NRCAM: variants seen among roughly 807,000 people sequenced by gnomAD.
The protein encoded by NRCAM is neuronal cell adhesion molecule.
In NRCAM, 83 loss-of-function variants were observed where a neutral mutation model predicts 156.5. That is an observed-to-expected ratio of 0.53 (90% CI 0.44 to 0.64). NRCAM has a LOEUF of 0.64. Among genes scored for constraint, NRCAM ranks in the 30% least tolerant of loss-of-function variants. NRCAM has a pLI of 0.00. For missense variants in NRCAM, 1,417 were observed against 1,597.3 expected (o/e 0.89, Z 1.92); for synonymous variants, 538 against 563.9 (o/e 0.95, Z 0.65).
At chr7:108,374,622 T>C (rs2099660790) in intron 2 of NRCAM, among the ~76,000 whole-genome samples, 1 of 152,068 alleles carries the variant, frequency 6.6e-6, no homozygotes, top group South Asian at 2.1e-4. Context: ...TGAAGTGAGA[T>C]TTCAATTCAA....
At chr7:108,158,611 T>C (rs1048196235) in intron 32 of NRCAM, among the ~76,000 whole-genome samples, 1 of 152,034 alleles carries the variant, frequency 6.6e-6, no homozygotes, top group Non-Finnish European at 1.5e-5. Flanking sequence ...GCAAACAATG[T>C]CTCAAAATGG....
intron 2 of NRCAM, among the ~76,000 whole-genome samples, chr7:108,313,551 T>G (rs2098834328): frequency 6.6e-6 from 1 of 152,202 alleles, no homozygotes; most frequent in Non-Finnish European, 1.5e-5. Context: ...AGGACAACTA[T>G]GAAACACAAA....
At chr7:108,358,894 A>G (rs1344061161) in intron 2 of NRCAM, among the ~76,000 whole-genome samples, 1 of 152,218 alleles carries the variant, frequency 6.6e-6, no homozygotes, top group East Asian at 1.9e-4. Context: ...AGCAGGGGAA[A>G]TGACTTAACA....
intron 25 of NRCAM, 85 bp from the exon 26 acceptor site, chr7:108,178,197 T>G: frequency 7.0e-7 from 1 of 1,437,356 alleles, no homozygotes; most frequent in Non-Finnish European, 9.5e-7. Flanking sequence ...GCTCGCACGA[T>G]TCAAGGTTTT....
chr7:108,184,648 C>T (rs1398609385), intron 20 of NRCAM, 34 bp from the exon 21 acceptor site: 16 of 1,587,968 alleles, frequency 1.0e-5, no homozygotes, highest in Admixed American at 1.7e-5. Context: ...AACCCAAGAC[C>T]GTGAATTCAG....
intron 3 of NRCAM, among the ~76,000 whole-genome samples, chr7:108,309,786 G>A (rs1476161563): frequency 2.6e-5 from 4 of 152,154 alleles, no homozygotes; most frequent in Non-Finnish European, 5.9e-5. Flanking sequence ...GAACCCGGGA[G>A]GTGGAGTTTG....
chr7:108,296,619 G>A (rs1019590111), intron 3 of NRCAM, among the ~76,000 whole-genome samples: 1 of 152,156 alleles, frequency 6.6e-6, no homozygotes, highest in Non-Finnish European at 1.5e-5. Context: ...TTCATACCCT[G>A]ATATCAAATA....
intron 1 of NRCAM, among the ~76,000 whole-genome samples, chr7:108,431,358 T>C (rs1824885366): frequency 6.6e-6 from 1 of 152,184 alleles, no homozygotes; most frequent in Admixed American, 6.5e-5. Flanking sequence ...CATCTTGTGT[T>C]TGGGAAATCT....
chr7:108,347,375 T>C (rs1229749792), intron 2 of NRCAM, among the ~76,000 whole-genome samples: 1 of 152,112 alleles, frequency 6.6e-6, no homozygotes, highest in East Asian at 1.9e-4. Context: ...AAATTTACAA[T>C]GTATCTCAAG....
At chr7:108,410,225 T>A (rs985342419) in intron 1 of NRCAM, among the ~76,000 whole-genome samples, 6 of 152,226 alleles carry the variant, frequency 3.9e-5, no homozygotes, top group Non-Finnish European at 5.9e-5. Context: ...TAGCCCTTGA[T>A]TAAATTTGGG....
At chr7:108,360,565 TGAA>T (rs1023325839) in intron 2 of NRCAM, among the ~76,000 whole-genome samples, 4 of 152,192 alleles carry the variant, frequency 2.6e-5, no homozygotes, top group Admixed American at 2.6e-4. Flanking sequence ...AGAACAAAGT[TGAA>T]GAATTCATAC....
intron 2 of NRCAM, among the ~76,000 whole-genome samples, chr7:108,386,409 A>C (rs2099741046): frequency 6.6e-6 from 1 of 152,186 alleles, no homozygotes; most frequent in African/African-American, 2.4e-5. Flanking sequence ...TCTCTAAGCA[A>C]TTAATTGATT....
At chr7:108,271,197 T>C (rs530818177) in intron 3 of NRCAM, among the ~76,000 whole-genome samples, 30 of 152,228 alleles carry the variant, frequency 2.0e-4, no homozygotes, top group Non-Finnish European at 3.4e-4. Flanking sequence ...AAGTGGACTT[T>C]TAAAAATTAC....
chr7:108,232,542 T>A lies in NRCAM; in HGVS notation c.231-20A>T, dbSNP rs776046627. The A allele has an allele frequency of 6.4e-7, 1 of 1,570,110 alleles. No individual in the cohort carries two copies. The highest frequency in any genetic ancestry group is 1.2e-5 in the South Asian group (1 of 84,534). On this transcript the variant is annotated intron_variant, in intron 6 of 32. Transcript: ENST00000379028. The stretch of plus-strand genomic sequence containing the variant: ...GAAAAGCTGCCCAACACACGAAGTG[T>A]TAAGTGTATTAATGGTCCAGAAAAA...
chr7:108,359,519 T>TG (rs2099533995), intron 2 of NRCAM, among the ~76,000 whole-genome samples: 1 of 152,044 alleles, frequency 6.6e-6, no homozygotes, highest in Non-Finnish European at 1.5e-5. Flanking sequence ...AACACAGAAG[T>TG]GGAAAAATAT....
chr7:108,414,361 C>T (rs1251876350), intron 1 of NRCAM, among the ~76,000 whole-genome samples: 1 of 152,182 alleles, frequency 6.6e-6, no homozygotes, highest in Non-Finnish European at 1.5e-5. Flanking sequence ...CCCCCGTTCC[C>T]TCACTATTTT....
chr7:108,220,455 A>T (rs1261185249), intron 11 of NRCAM, among the ~76,000 whole-genome samples: 2 of 152,210 alleles, frequency 1.3e-5, no homozygotes, highest in Non-Finnish European at 2.9e-5. Context: ...CTATACTATA[A>T]GGCCATGGTC....
intron 19 of NRCAM, among the ~76,000 whole-genome samples, 165 bp downstream of exon 19, chr7:108,191,089 G>C (rs781698967): frequency 6.6e-6 from 1 of 152,198 alleles, no homozygotes; most frequent in South Asian, 2.1e-4. Flanking sequence ...TTATGATGAA[G>C]AAATGATTCA....
chr7:108,449,687 C>T (rs796512720), intron 1 of NRCAM, among the ~76,000 whole-genome samples: 5 of 152,248 alleles, frequency 3.3e-5, no homozygotes, highest in African/African-American at 1.2e-4. Flanking sequence ...ATCAAAAATG[C>T]ATGCCATAAA....
Sources: gnomAD v4.1 joint callset for allele counts (sites outside exome capture counted in the v4.1 genomes callset) on GRCh38, gnomAD v4.1.1 for gene constraint, MANE v1.5 for transcripts, NCBI Gene and HGNC (gene_info 2026-07-23, HGNC 2026-07-21) for gene names.